WWOX: variants seen among roughly 807,000 people sequenced by gnomAD.
The protein encoded by WWOX is WW domain-containing oxidoreductase.
WWOX carries 69 observed loss-of-function variants against 46.2 expected under a neutral mutation model. That is an observed-to-expected ratio of 1.49 (90% CI 1.23 to 1.82). The LOEUF (loss-of-function observed/expected upper bound fraction) is 1.82, where lower values mean the gene tolerates loss of function less well. Ranked by LOEUF, WWOX falls within the 40% of genes most tolerant of loss-of-function variation. The probability of loss-of-function intolerance (pLI) is 0.00; values close to 1 mark genes in which losing one functional copy is unlikely to be tolerated. For missense variants in WWOX, 919 were observed against 542.6 expected, an observed-to-expected ratio of 1.69 and a Z score of -6.89; for synonymous variants, 359 against 202.6, an observed-to-expected ratio of 1.77 and a Z score of -6.56.
At chr16:78,383,977 A>G (rs2082008378) in intron 5 of WWOX, among the ~76,000 whole-genome samples, 1 of 152,206 alleles carries the variant, frequency 6.6e-6, no homozygotes, top group South Asian at 2.1e-4. Flanking sequence ...GAAGGGAAGC[A>G]GGGGAACCAA....
intron 8 of WWOX, among the ~76,000 whole-genome samples, chr16:78,980,961 T>C (rs2046669527): frequency 6.6e-6 from 1 of 152,212 alleles, no homozygotes; most frequent in African/African-American, 2.4e-5. Flanking sequence ...AGTCACAGGG[T>C]TGGCCCCACA....
In WWOX at chr16:78,843,509, AC is replaced by A. The variant is rs548666439; in HGVS notation, c.1057-368096del. ...CATTAGCACCCTCCATATGCAACAA[AC>A]CCACAAATGACATGTTTTGACTCTT... is the stretch of plus-strand genomic sequence containing the variant. On this transcript the variant is annotated intron_variant, in intron 8 of 8. Transcript: ENST00000566780. Among the ~76,000 whole-genome samples, 25 of 150,104 alleles carry A rather than the reference AC, an allele frequency of 1.7e-4. 1 individual carries two copies. Among genetic ancestry groups the A allele is most frequent in the Non-Finnish European group, 2.2e-4 (15 of 67,082 alleles).
chr16:78,156,693 G>A (rs920257892), intron 4 of WWOX, among the ~76,000 whole-genome samples: 1 of 152,136 alleles, frequency 6.6e-6, no homozygotes, highest in South Asian at 2.1e-4. Flanking sequence ...GGAGGTCGAG[G>A]TGGGTGGGTC....
At chr16:78,229,515 G>GATAT (rs373164261) in intron 5 of WWOX, among the ~76,000 whole-genome samples, 1,011 of 80,444 alleles carry the variant, frequency 0.013, 8 homozygotes, top group Non-Finnish European at 0.018. Flanking sequence ...TCTATATAGA[G>GATAT]ATATATATAT....
intron 4 of WWOX, among the ~76,000 whole-genome samples, chr16:78,129,590 C>T (rs1388125010): frequency 6.6e-6 from 1 of 152,116 alleles, no homozygotes. Context: ...AAGGGTAAAG[C>T]TTCCCAATCA....
intron 5 of WWOX, among the ~76,000 whole-genome samples, chr16:78,170,405 G>C (rs968380955): frequency 6.6e-6 from 1 of 152,112 alleles, no homozygotes; most frequent in Non-Finnish European, 1.5e-5. Context: ...AATAAATTAA[G>C]TGCTCAATTA....
chr16:78,716,070 A>G (rs189460608), intron 8 of WWOX, among the ~76,000 whole-genome samples: 106 of 137,290 alleles, frequency 7.7e-4, no homozygotes, highest in Middle Eastern at 7.1e-3. Flanking sequence ...GGAAAGGGGA[A>G]AAAAAAAATC....
At chr16:78,395,876 A>G (rs1395939816) in intron 6 of WWOX, among the ~76,000 whole-genome samples, 2 of 151,934 alleles carry the variant, frequency 1.3e-5, no homozygotes, top group Admixed American at 1.3e-4. Flanking sequence ...CTTAGATTCC[A>G]TTTTCTTTGA....
chr16:79,078,284 A>G (rs978416639), intron 8 of WWOX: 1 of 152,148 alleles, frequency 6.6e-6, no homozygotes, highest in Non-Finnish European at 1.5e-5. Flanking sequence ...TCTTCCTTGA[A>G]TTCCATAGGT....
intron 8 of WWOX, among the ~76,000 whole-genome samples, chr16:78,922,439 C>A (rs188615620): frequency 2.0e-4 from 30 of 149,976 alleles, no homozygotes; most frequent in Admixed American, 1.7e-3. Flanking sequence ...AGTGCAGTGG[C>A]GTGACCTTGG....
intron 8 of WWOX, among the ~76,000 whole-genome samples, chr16:78,642,809 C>A (rs1597386376): frequency 6.6e-6 from 1 of 152,146 alleles, no homozygotes; most frequent in African/African-American, 2.4e-5. Flanking sequence ...GGAAAAACAT[C>A]TCTTTTCTAA....
At chr16:78,223,576 A>G (rs1296611116) in intron 5 of WWOX, among the ~76,000 whole-genome samples, 2 of 152,128 alleles carry the variant, frequency 1.3e-5, no homozygotes, top group Non-Finnish European at 2.9e-5. Context: ...CTGCTGAATG[A>G]TGTGGCAGGA....
intron 8 of WWOX, among the ~76,000 whole-genome samples, chr16:79,111,247 T>G (rs532488046): frequency 6.6e-6 from 1 of 152,312 alleles, no homozygotes; most frequent in East Asian, 1.9e-4. Context: ...GTTCAGGCAC[T>G]GAGACCCGGG....
At chr16:78,506,824 T>A (rs934394354) in intron 8 of WWOX, among the ~76,000 whole-genome samples, 2 of 151,246 alleles carry the variant, frequency 1.3e-5, no homozygotes, top group African/African-American at 4.9e-5. Flanking sequence ...GTGATTCTCC[T>A]GCCTCAGCCT....
chr16:79,128,093 C>G (rs1446245546), intron 8 of WWOX, among the ~76,000 whole-genome samples: 1 of 152,110 alleles, frequency 6.6e-6, no homozygotes, highest in Non-Finnish European at 1.5e-5. Context: ...CATCCCCCAC[C>G]ACCCACTGAT....
chr16:78,709,237 T>C (rs2048387773), intron 8 of WWOX, among the ~76,000 whole-genome samples: 1 of 152,208 alleles, frequency 6.6e-6, no homozygotes, highest in Non-Finnish European at 1.5e-5. Flanking sequence ...GTTAACACAA[T>C]GCTTTTATCC....
At chr16:78,119,252 C>G (rs921217955) in intron 4 of WWOX, among the ~76,000 whole-genome samples, 1 of 152,090 alleles carries the variant, frequency 6.6e-6, no homozygotes, top group Admixed American at 6.5e-5. Flanking sequence ...GCCTTCAGCA[C>G]GGTGAACATT....
chr16:78,224,441 T>G (rs1000756583), intron 5 of WWOX, among the ~76,000 whole-genome samples: 3 of 151,656 alleles, frequency 2.0e-5, no homozygotes, highest in African/African-American at 4.8e-5. Flanking sequence ...AAAATGGAAG[T>G]GTTCAAGAAA....
chr16:78,650,979 G>A (rs1393522398), intron 8 of WWOX, among the ~76,000 whole-genome samples: 3 of 152,216 alleles, frequency 2.0e-5, no homozygotes, highest in Non-Finnish European at 4.4e-5. Flanking sequence ...CTTAACAGAG[G>A]GATTCGTAAG....
Sources: gnomAD v4.1 joint callset for allele counts (sites outside exome capture counted in the v4.1 genomes callset) on GRCh38, gnomAD v4.1.1 for gene constraint, MANE v1.5 for transcripts, NCBI Gene and HGNC (gene_info 2026-07-23, HGNC 2026-07-21) for gene names.